The following KIF6 variants were observed in gnomAD, a reference collection of about 807,000 sequenced individuals.
The protein encoded by KIF6 is kinesin-like protein KIF6.
Under a neutral mutation model 112.7 loss-of-function variants are expected in KIF6, and 106 were observed. The observed-to-expected ratio is 0.94, with a 90% confidence interval of 0.80 to 1.11. The LOEUF (loss-of-function observed/expected upper bound fraction) is 1.11. Ranked by LOEUF, KIF6 falls within the 50% of genes least tolerant of loss-of-function variation. The probability of loss-of-function intolerance (pLI) is 0.00; values close to 1 mark genes in which losing one functional copy is unlikely to be tolerated. For missense variants in KIF6, 929 were observed against 964.0 expected (o/e 0.96, Z 0.48); for synonymous variants, 339 against 339.9 (o/e 1.00, Z 0.03).
At chr6:39,539,494 C>T (rs1778656964) in intron 13 of KIF6, among the ~76,000 whole-genome samples, 1 of 152,086 alleles carries the variant, frequency 6.6e-6, no homozygotes, top group South Asian at 2.1e-4. Context: ...CAGGCGCGCA[C>T]CACCACGCCC....
Position 39,415,301 on chromosome 6 carries a change from T to TAAAAAA in KIF6, c.1810+4641_1810+4646dup, listed in dbSNP as rs5875672. ...CGCCAATACAGAGATTTTTAAAATGTAAAAAAAAAAAAAAAAAAAAAAAAG... is the reference window on the plus strand; with the variant it reads ...CGCCAATACAGAGATTTTTAAAATGTAAAAAAAAAAAAAAAAAAAAAAAAAAAAAAG... On this transcript the variant is annotated intron_variant, in intron 15 of 22. Coordinates refer to ENST00000287152, the MANE Select transcript of KIF6 (RefSeq NM_145027.6). Among the ~76,000 whole-genome samples the TAAAAAA allele has an allele frequency of 2.8e-3, 252 of 89,096 alleles. No homozygotes were observed. In the Middle Eastern group the frequency reaches 0.033, roughly 12 times the overall value. 58.5% of individuals were successfully genotyped at this position (89,096 alleles called of 152,430 possible). A position where few individuals can be genotyped will look rare whatever the true frequency, so the allele number is the denominator to read the frequency against.
At chr6:39,701,813 A>T (rs1462313229) in intron 3 of KIF6, among the ~76,000 whole-genome samples, 8 of 152,230 alleles carry the variant, frequency 5.3e-5, no homozygotes, top group Non-Finnish European at 1.2e-4. Context: ...CACACTAGAG[A>T]CTAGGCTCAA....
chr6:39,420,025 A>G, intron 14 of KIF6, 22 bp from the exon 15 acceptor site: 5 of 1,579,540 alleles, frequency 3.2e-6, no homozygotes, highest in Non-Finnish European at 4.4e-6. Context: ...AAAAATGAAA[A>G]TTGTAGTTTT....
intron 7 of KIF6, among the ~76,000 whole-genome samples, chr6:39,591,553 A>G (rs1781953742): frequency 6.6e-6 from 1 of 152,200 alleles, no homozygotes; most frequent in Non-Finnish European, 1.5e-5. Context: ...ACGTTTGAAG[A>G]CTGATCTTCA....
chr6:39,635,386 A>T (rs1182198777), intron 4 of KIF6, among the ~76,000 whole-genome samples: 1 of 152,134 alleles, frequency 6.6e-6, no homozygotes. Flanking sequence ...TTAGGAGCAA[A>T]ATAGTTTCCA....
At chr6:39,423,885 C>T (rs967453724) in intron 14 of KIF6, among the ~76,000 whole-genome samples, 1 of 152,182 alleles carries the variant, frequency 6.6e-6, no homozygotes, top group South Asian at 2.1e-4. Flanking sequence ...GCAACCACTG[C>T]TTGCTCCTTC....
At chr6:39,594,726 A>C (rs1259976747) in intron 7 of KIF6, among the ~76,000 whole-genome samples, 1 of 152,216 alleles carries the variant, frequency 6.6e-6, no homozygotes, top group Non-Finnish European at 1.5e-5. Context: ...AGTTAAAAAA[A>C]GGTTTTATTT....
intron 13 of KIF6, among the ~76,000 whole-genome samples, chr6:39,487,875 G>T (rs780022361): frequency 2.0e-5 from 3 of 152,024 alleles, no homozygotes; most frequent in Non-Finnish European, 4.4e-5. Flanking sequence ...TTTCATCATG[G>T]GGTTATGAAG....
intron 5 of KIF6, among the ~76,000 whole-genome samples, chr6:39,624,400 A>G (rs1188580650): frequency 1.3e-5 from 2 of 152,172 alleles, no homozygotes; most frequent in Non-Finnish European, 2.9e-5. Flanking sequence ...GTGTTTCTAA[A>G]CCCTGTACAT....
intron 13 of KIF6, among the ~76,000 whole-genome samples, chr6:39,539,065 T>G (rs1422433643): frequency 9.5e-4 from 91 of 95,308 alleles, no homozygotes; most frequent in Admixed American, 4.0e-3. Context: ...TGGGGACTGT[T>G]GTGGGGTGGG....
rs1207905184 is a variant in KIF6, at chr6:39,703,084, C to CA, written c.251+11607_251+11608insT. Among the ~76,000 whole-genome samples the CA allele has an allele frequency of 4.6e-3, 231 of 49,972 alleles. 8 individuals carry two copies. Among genetic ancestry groups the CA allele is most frequent in the African/African-American group, 8.8e-3 (207 of 23,476 alleles). The allele number at this position is 49,972 out of a possible 152,430, so 32.8% of individuals were successfully genotyped here. On this transcript the variant is annotated intron_variant, in intron 3 of 22. Transcript: ENST00000287152. ...AAGACAAAATCCACCAACCCCCCAC[C>CA]CCCACTCCCGGCCACCAAGACAAAA...
chr6:39,595,918 A>G, intron 7 of KIF6, 136 bp downstream of exon 7: 1 of 641,004 alleles, frequency 1.6e-6, no homozygotes, highest in South Asian at 2.3e-5. Flanking sequence ...ACACTTAAAA[A>G]TGATTAAAAT....
Position 39,345,759 on chromosome 6 carries a change from C to G in KIF6, c.2262G>C (p.Ser754=). Residue 754 remains serine (S), a synonymous_variant, in exon 21 of 23, where the codon TCG becomes TCC. Coordinates refer to ENST00000287152, the MANE Select transcript of KIF6 (RefSeq NM_145027.6). ...CDVNARKILP[S]PCPSPHSQKQ... ...TCTGGCTGTGTGGACTGGGGCAAGG[C>G]GAGGGCAGGATTTTCCTGGCATTCA... 1 of 1,613,822 alleles carries G rather than the reference C, an allele frequency of 6.2e-7. No homozygotes were observed. Among genetic ancestry groups the G allele is most frequent in the Non-Finnish European group, 8.5e-7 (1 of 1,179,912 alleles).
rs766322051 is a variant in KIF6, at chr6:39,586,293, C to A, written c.958G>T (p.Ala320Ser). Residue 320 changes from alanine (A) to serine (S), a missense_variant, in exon 8 of 23, where the codon GCA (alanine) becomes TCA (serine). Ala to Ser is a moderately conservative substitution (Grantham distance 99). Around this residue, in one of 2 missense-constraint regions of KIF6, gnomAD observed 688 missense variants for 662.7 expected, o/e 1.04. Coordinates refer to ENST00000287152, the MANE Select transcript of KIF6 (RefSeq NM_145027.6). ...LGGNCMTTMI[A>S]TLSLEKRNLD... is the part of the protein sequence containing the mutation. The stretch of plus-strand genomic sequence containing the variant: ...TTCCTTTTCTCCAAGGAGAGTGTTG[C>A]AATCATAGTTGTCATGCAGTTCCCT... The A allele has an allele frequency of 2.5e-6, 4 of 1,612,796 alleles. No individual in the cohort carries two copies. The Admixed American group carries it at 6.7e-5, about 27-fold the overall frequency.
intron 9 of KIF6, among the ~76,000 whole-genome samples, chr6:39,579,725 A>G (rs187610307): frequency 1.3e-5 from 2 of 152,126 alleles, no homozygotes; most frequent in South Asian, 2.1e-4. Flanking sequence ...GGTGGATTTT[A>G]CTTTGTATAA....
chr6:39,373,411 G>A (rs1766183546), intron 16 of KIF6, among the ~76,000 whole-genome samples: 1 of 152,204 alleles, frequency 6.6e-6, no homozygotes, highest in African/African-American at 2.4e-5. Flanking sequence ...GGTCAGCTCT[G>A]TGGCAAGGAG....
chr6:39,382,220 T>C (rs564359006), intron 16 of KIF6, among the ~76,000 whole-genome samples: 2 of 152,330 alleles, frequency 1.3e-5, no homozygotes, highest in African/African-American at 4.8e-5. Flanking sequence ...ATTACAAGGG[T>C]ATATTGCATG....
At chr6:39,630,632 A>G (rs1784306060) in intron 5 of KIF6, among the ~76,000 whole-genome samples, 1 of 152,036 alleles carries the variant, frequency 6.6e-6, no homozygotes, top group Non-Finnish European at 1.5e-5. Flanking sequence ...CAACAAAGAC[A>G]GTTGTATTTC....
At chr6:39,373,498 G>T (rs891668140) in intron 16 of KIF6, among the ~76,000 whole-genome samples, 1 of 152,086 alleles carries the variant, frequency 6.6e-6, no homozygotes, top group Admixed American at 6.6e-5. Flanking sequence ...AAAACTTTTG[G>T]TTGATAAGTG....
Sources: gnomAD v4.1 joint callset for allele counts (sites outside exome capture counted in the v4.1 genomes callset) on GRCh38, gnomAD v4.1.1 for gene constraint, gnomAD v4.1.1 regional missense constraint, MANE v1.5 for transcripts, NCBI Gene and HGNC (gene_info 2026-07-23, HGNC 2026-07-21) for gene names.